Variants in LARP1 observed in about 807,000 individuals in gnomAD.
LARP1 encodes the protein La ribonucleoprotein 1, translational regulator.
Under a neutral mutation model 122.7 loss-of-function variants are expected in LARP1, and 36 were observed. The observed-to-expected ratio is 0.29, with a 90% CI of 0.22 to 0.39. The LOEUF (loss-of-function observed/expected upper bound fraction) is 0.39, where lower values mean the gene tolerates loss of function less well. LARP1 is among the 10% of genes least tolerant of loss of function. The pLI is 1.00. For missense variants in LARP1, 1,040 were observed against 1,403.6 expected, an observed-to-expected ratio of 0.74 and a Z score of 4.14; for synonymous variants, 539 against 528.7, an observed-to-expected ratio of 1.02 and a Z score of -0.27.
Position 154,695,346 on chromosome 5 carries a change from T to A in LARP1, c.-180+12309T>A, listed in dbSNP as rs961534197. Among the ~76,000 whole-genome samples, 3 of 151,868 alleles carry A rather than the reference T, an allele frequency of 2.0e-5. No homozygotes were observed. The South Asian group carries it at 6.3e-4, about 32-fold the overall frequency. Reference sequence around the variant, plus strand: ...AAAAAAAGAAAAAGCACTTCTTCAGTGCTCTAATAGCAAATTTGGGGCCCT... The same window carrying A: ...AAAAAAAGAAAAAGCACTTCTTCAGAGCTCTAATAGCAAATTTGGGGCCCT... On this transcript the variant is annotated intron_variant, in intron 1 of 18. Transcript: ENST00000687700.
Position 154,794,276 on chromosome 5 carries a change from A to C in LARP1, c.1232+14A>C. 6.2e-7 allele frequency: 1 copy of C among 1,612,586 alleles called. No homozygotes were observed. Among genetic ancestry groups the C allele is most frequent in the South Asian group, 1.1e-5 (1 of 91,024 alleles). ...CAAGCGCCAGATGTGAGTGTGCGGAAGCCTTCTTACCCTGGAGAAATGAGT... is the reference window on the plus strand; with the variant it reads ...CAAGCGCCAGATGTGAGTGTGCGGACGCCTTCTTACCCTGGAGAAATGAGT... On this transcript the variant is annotated intron_variant, in intron 7 of 18. Coordinates refer to ENST00000518297, the MANE Select transcript of LARP1 (RefSeq NM_033551.3).
chr5:154,780,359 G>A (rs755188939), intron 1 of LARP1, among the ~76,000 whole-genome samples: 2 of 152,236 alleles, frequency 1.3e-5, no homozygotes, highest in Non-Finnish European at 2.9e-5. Context: ...ATGTGTTTCA[G>A]TTCCATGTGA....
At chr5:154,747,954 C>T (rs1230434913) in intron 1 of LARP1, among the ~76,000 whole-genome samples, 1 of 152,170 alleles carries the variant, frequency 6.6e-6, no homozygotes, top group Non-Finnish European at 1.5e-5. Context: ...AACTCCTGGG[C>T]TCAAGCCATC....
chr5:154,774,032 T>G (rs1348867690), intron 1 of LARP1, among the ~76,000 whole-genome samples: 1 of 151,770 alleles, frequency 6.6e-6, no homozygotes, highest in Non-Finnish European at 1.5e-5. Context: ...GTTTGAGATT[T>G]GTAGAAGCCT....
intron 1 of LARP1, among the ~76,000 whole-genome samples, chr5:154,781,361 AG>A (rs1240293643): frequency 1.3e-5 from 2 of 152,200 alleles, no homozygotes; most frequent in Non-Finnish European, 2.9e-5. Context: ...TGGGAGGCCG[AG>A]GCGGGCGGAT....
In LARP1 at chr5:154,687,131, T is replaced by C. The variant is rs79755887; in HGVS notation, c.-180+4094T>C. 1.5e-3 allele frequency among the ~76,000 whole-genome samples: 231 copies of C among 152,342 alleles called. 2 individuals are homozygous for C. The East Asian group carries it at 0.036, about 24-fold the overall frequency. On this transcript the variant is annotated intron_variant, in intron 1 of 18. Transcript: ENST00000687700. ...TCAAAGGTTTCTGATTGCGGACACA[T>C]AGGTGATATCTAACTTGCTTTTGTT...
chr5:154,807,495 G>GT (rs1758882276), intron 15 of LARP1, among the ~76,000 whole-genome samples: 1 of 152,010 alleles, frequency 6.6e-6, no homozygotes, highest in South Asian at 2.1e-4. Flanking sequence ...GAGTCTTCTG[G>GT]TTTTTCACAT....
In LARP1 at chr5:154,800,045, G is replaced by C; in HGVS notation, c.1716+3G>C. 5 of 1,612,766 alleles carry C rather than the reference G, an allele frequency of 3.1e-6. No homozygotes were observed. The highest frequency in any genetic ancestry group is 4.2e-6 in the Non-Finnish European group (5 of 1,179,688). On this transcript the variant is annotated splice_donor_region_variant and intron_variant, in intron 10 of 18. Transcript: ENST00000518297. ...GGCCATCCCCAGCACGGCCCAAGGT[G>C]GGTGAGGCCTTGTCCCTTGCCTTGG...
At chr5:154,794,773 T>G (rs1357704972) in intron 7 of LARP1, among the ~76,000 whole-genome samples, 1 of 152,264 alleles carries the variant, frequency 6.6e-6, no homozygotes, top group South Asian at 2.1e-4. Flanking sequence ...TGTCCTATTA[T>G]AGAACCTTTG....
chr5:154,810,157 T>C (rs1240798827), intron 16 of LARP1, among the ~76,000 whole-genome samples: 7 of 152,046 alleles, frequency 4.6e-5, no homozygotes, highest in Admixed American at 4.6e-4. Flanking sequence ...AAATCTGGAC[T>C]GGGTGCTGTG....
At chr5:154,750,084 C>A (rs890720849) in intron 1 of LARP1, among the ~76,000 whole-genome samples, 1 of 152,258 alleles carries the variant, frequency 6.6e-6, no homozygotes, top group African/African-American at 2.4e-5. Flanking sequence ...TAAACCAATT[C>A]TCCCAGCTCT....
rs1219035706 is a variant in LARP1 at position 154,804,825 on chromosome 5, CA to C, written c.2546+519del. On this transcript the variant is annotated intron_variant, in intron 14 of 18. Coordinates refer to ENST00000518297, the MANE Select transcript of LARP1 (RefSeq NM_033551.3). ...GTTTCCCAAAGCAAGCTTTGAGAGC[CA>C]CCTACCTATGACCAATGCTCTCTAC... 28 of 456,120 alleles carry C rather than the reference CA, an allele frequency of 6.1e-5. No individual in the cohort carries two copies. The Admixed American group carries it at 6.6e-4, about 11-fold the overall frequency. The allele number at this position is 456,120 out of a possible 1,614,324, so 28.3% of individuals were successfully genotyped here.
At chr5:154,706,241 C>T (rs1284322683) in intron 1 of LARP1, among the ~76,000 whole-genome samples, 1 of 151,654 alleles carries the variant, frequency 6.6e-6, no homozygotes, top group African/African-American at 2.4e-5. Context: ...TTGCAGTGAG[C>T]CAAGATGGCA....
chr5:154,770,230 T>G (rs1755287013), intron 1 of LARP1, among the ~76,000 whole-genome samples: 3 of 150,620 alleles, frequency 2.0e-5, no homozygotes, highest in Admixed American at 6.6e-5. Flanking sequence ...GACTTGGGCC[T>G]GATTTTTTTT....
At chr5:154,721,799 G>T (rs1448282029) in intron 1 of LARP1, among the ~76,000 whole-genome samples, 1 of 152,132 alleles carries the variant, frequency 6.6e-6, no homozygotes, top group Non-Finnish European at 1.5e-5. Flanking sequence ...CGGTTAAAGG[G>T]GTTGTAATGT....
rs368073915 is a variant in LARP1 at position 154,722,742 on chromosome 5, G to T, written c.205+9612G>T. On this transcript the variant is annotated intron_variant, in intron 1 of 18. Transcript: ENST00000336314. ...ATCGCCCAGGCTGGAGTGCAGTGGC[G>T]CTATCTCAGCTCACTGCAACATCTG... 5.4e-5 allele frequency among the ~76,000 whole-genome samples: 8 copies of T among 147,228 alleles called. No homozygotes were observed. In the East Asian group the frequency reaches 1.4e-3, roughly 26 times the overall value.
chr5:154,712,287 G>A (rs1323101590), upstream of LARP1, among the ~76,000 whole-genome samples: 1 of 152,198 alleles, frequency 6.6e-6, no homozygotes, highest in Non-Finnish European at 1.5e-5. Flanking sequence ...TGCTACAGAT[G>A]TGGAAACTGA....
Position 154,722,856 on chromosome 5 carries a change from T to C in LARP1, c.205+9726T>C, listed in dbSNP as rs189538539. On this transcript the variant is annotated intron_variant, in intron 1 of 18. Transcript: ENST00000336314. ...CCACCATGCCCAGCTAATTTTTGTA[T>C]TTTTAGTAGGGATGGGGTTTTATCA... is the stretch of plus-strand genomic sequence containing the variant. 1.1e-4 allele frequency among the ~76,000 whole-genome samples: 17 copies of C among 152,192 alleles called. No homozygotes were observed. The East Asian group carries it at 3.1e-3, about 28-fold the overall frequency.
At chr5:154,813,820 C>T (rs1456557437) in intron 18 of LARP1, 67 bp from the exon 19 acceptor site, 8 of 1,332,236 alleles carry the variant, frequency 6.0e-6, no homozygotes, top group South Asian at 2.4e-5. Flanking sequence ...AGTGTCTAGA[C>T]GGGCCTGGCA....
Sources: gnomAD v4.1 joint callset for allele counts (sites outside exome capture counted in the v4.1 genomes callset) on GRCh38, gnomAD v4.1.1 for gene constraint, MANE v1.5 for transcripts, NCBI Gene and HGNC (gene_info 2026-07-23, HGNC 2026-07-21) for gene names.